Variants in FHOD3 observed in about 807,000 individuals in gnomAD.
FHOD3 encodes FH1/FH2 domain-containing protein 3.
FHOD3 carries 90 observed loss-of-function variants against 173.0 expected under a neutral mutation model. That is an observed-to-expected ratio of 0.52 (90% confidence interval 0.44 to 0.62). FHOD3 has a LOEUF of 0.62. FHOD3 is among the 20% of genes least tolerant of loss of function. The pLI, the probability that FHOD3 is intolerant of heterozygous loss-of-function variation, is 0.00. For synonymous variants in FHOD3, 828 were observed against 823.0 expected, an observed-to-expected ratio of 1.01 and a Z score of -0.10; for missense variants, 1,945 against 2,034.7, an observed-to-expected ratio of 0.96 and a Z score of 0.85.
chr18:36,652,398 A>C (rs2036119141), intron 11 of FHOD3, among the ~76,000 whole-genome samples, 172 bp from the exon 12 acceptor site: 1 of 152,244 alleles, frequency 6.6e-6, no homozygotes, highest in Non-Finnish European at 1.5e-5. Flanking sequence ...GGGCAAACCA[A>C]AGCTGCTGGT....
intron 3 of FHOD3, among the ~76,000 whole-genome samples, chr18:36,485,237 C>T (rs1198912017): frequency 6.6e-6 from 1 of 152,192 alleles, no homozygotes; most frequent in Non-Finnish European, 1.5e-5. Context: ...GTTCCACCAG[C>T]GATGAGCCTG....
chr18:36,685,281 C>G (rs1345630494), intron 15 of FHOD3, among the ~76,000 whole-genome samples: 1 of 152,156 alleles, frequency 6.6e-6, no homozygotes, highest in Non-Finnish European at 1.5e-5. Context: ...CAAAATGGCC[C>G]TCCTCCACTC....
chr18:36,758,504 A>G (rs1001959996), intron 25 of FHOD3, among the ~76,000 whole-genome samples: 1 of 152,336 alleles, frequency 6.6e-6, no homozygotes, highest in East Asian at 1.9e-4. Flanking sequence ...AATTAATTTC[A>G]TGCTCCTGAG....
At position 36,590,996 on chromosome 18, in the gene FHOD3, C is replaced by T. The variant is rs149201093; in HGVS notation, c.607-3791C>T. ...GGTTGGGCAGCAGCCAGGTTCTTTC[C>T]TGGGGAGGCATTTAGAGGCTTAAAC... On this transcript the variant is annotated intron_variant, in intron 6 of 28. Coordinates refer to ENST00000590592, the MANE Select transcript of FHOD3 (RefSeq NM_001281740.3). Among the ~76,000 whole-genome samples, 345 of 152,260 alleles carry T rather than the reference C, an allele frequency of 2.3e-3. 1 individual carries two copies. Among genetic ancestry groups the T allele is most frequent in the African/African-American group, 7.8e-3 (325 of 41,566 alleles).
intron 27 of FHOD3, among the ~76,000 whole-genome samples, chr18:36,766,053 A>G (rs921566027): frequency 6.6e-6 from 1 of 152,140 alleles, no homozygotes; most frequent in South Asian, 2.1e-4. Context: ...AAATAAATAA[A>G]TAAAGATAAA....
intron 2 of FHOD3, among the ~76,000 whole-genome samples, chr18:36,369,630 T>C (rs1008145023): frequency 6.6e-6 from 1 of 152,114 alleles, no homozygotes; most frequent in Non-Finnish European, 1.5e-5. Flanking sequence ...TATATACATG[T>C]AAAACTATTA....
chr18:36,687,109 T>A lies in FHOD3; in HGVS notation c.1971-19T>A, dbSNP rs2038670020. 1 of 1,589,284 alleles carries A rather than the reference T, an allele frequency of 6.3e-7. No homozygotes were observed. Among genetic ancestry groups the A allele is most frequent in the African/African-American group, 1.3e-5 (1 of 74,432 alleles). On this transcript the variant is annotated intron_variant, in intron 15 of 28. Transcript: ENST00000590592. The stretch of plus-strand genomic sequence containing the variant: ...GTTACTTTCTTTTCCTGTTTGTTTG[T>A]TCTACATATTTCCATTAGCCGAGAT...
intron 3 of FHOD3, among the ~76,000 whole-genome samples, chr18:36,431,003 T>C (rs1476635910): frequency 3.9e-5 from 6 of 152,214 alleles, no homozygotes; most frequent in African/African-American, 1.4e-4. Context: ...TAGGGATAGC[T>C]AACATGTTGT....
intron 3 of FHOD3, among the ~76,000 whole-genome samples, chr18:36,456,066 T>C (rs1013582886): frequency 6.6e-6 from 1 of 152,134 alleles, no homozygotes; most frequent in African/African-American, 2.4e-5. Flanking sequence ...GCTTGTACTT[T>C]TCCGATGTTT....
chr18:36,546,034 T>G (rs1457584839), intron 5 of FHOD3, among the ~76,000 whole-genome samples: 2 of 152,210 alleles, frequency 1.3e-5, no homozygotes, highest in Admixed American at 1.3e-4. Flanking sequence ...ATGAAATCCT[T>G]CTCGAATCTG....
chr18:36,416,397 AG>A (rs1409574565), intron 3 of FHOD3, among the ~76,000 whole-genome samples: 1 of 152,182 alleles, frequency 6.6e-6, no homozygotes, highest in East Asian at 1.9e-4. Flanking sequence ...AACGTTATTT[AG>A]GAAGTGTGAT....
chr18:36,452,834 G>A (rs985735015), intron 3 of FHOD3, among the ~76,000 whole-genome samples: 1 of 151,928 alleles, frequency 6.6e-6, no homozygotes, highest in Non-Finnish European at 1.5e-5. Flanking sequence ...ATATGTGTGT[G>A]TATGTATATA....
chr18:36,635,242 C>T (rs8085903), intron 10 of FHOD3, among the ~76,000 whole-genome samples: 24,413 of 152,166 alleles, frequency 0.16, 2,203 homozygotes, highest in African/African-American at 0.23. Flanking sequence ...GCGGGATTGG[C>T]TTCTCAAATA....
At chr18:36,761,720 G>T (rs2042889562) in intron 27 of FHOD3, among the ~76,000 whole-genome samples, 1 of 151,900 alleles carries the variant, frequency 6.6e-6, no homozygotes, top group South Asian at 2.1e-4. Context: ...AGAGACCCCA[G>T]TTAGATCTAC....
At chr18:36,547,004 G>A (rs1364751235) in intron 5 of FHOD3, among the ~76,000 whole-genome samples, 1 of 152,180 alleles carries the variant, frequency 6.6e-6, no homozygotes, top group African/African-American at 2.4e-5. Flanking sequence ...AATTCACACT[G>A]CCTCACAGCG....
At chr18:36,761,638 C>G (rs373932495) in intron 27 of FHOD3, among the ~76,000 whole-genome samples, 6 of 152,152 alleles carry the variant, frequency 3.9e-5, no homozygotes, top group African/African-American at 1.4e-4. Flanking sequence ...CTCTGCCTGT[C>G]CCGTTCCCAT....
rs2034046939 is a variant in FHOD3, at chr18:36,625,661, A to C, written c.1108A>C (p.Ile370Leu). ...RRSRRHSVQS[I>L]KSTLSAPTSP... ...GAGCCGCAGGCACTCGGTGCAGAGC[A>C]TCAAGAGCACCCTGTCGGCCCCCAC... The change falls in exon 10 of 29, where the codon ATC becomes CTC. Residue 370 changes from isoleucine (I) to leucine (L), a missense_variant. By Grantham distance (5) the Ile-to-Leu change is conservative. Around this residue, in one of 5 missense-constraint regions of FHOD3, gnomAD observed 1,099 missense variants for 1,051.2 expected, o/e 1.05. Coordinates refer to ENST00000590592, the MANE Select transcript of FHOD3 (RefSeq NM_001281740.3). The C allele has an allele frequency of 1.2e-6, 2 of 1,612,664 alleles. No homozygotes were observed. Among genetic ancestry groups the C allele is most frequent in the Non-Finnish European group, 1.7e-6 (2 of 1,179,206 alleles).
intron 26 of FHOD3, among the ~76,000 whole-genome samples, chr18:36,759,811 G>C (rs983374672): frequency 1.3e-5 from 2 of 152,254 alleles, no homozygotes; most frequent in Admixed American, 1.3e-4. Flanking sequence ...GACAAAGGAA[G>C]CCAGCAGTCT....
chr18:36,551,415 TC>T (rs1221420408), intron 5 of FHOD3, among the ~76,000 whole-genome samples: 1 of 152,162 alleles, frequency 6.6e-6, no homozygotes, highest in Non-Finnish European at 1.5e-5. Flanking sequence ...TCTTCAATTT[TC>T]TGGAAGAGTT....
Sources: allele counts gnomAD v4.1 joint callset (sites outside exome capture counted in the v4.1 genomes callset), GRCh38; gene constraint gnomAD v4.1.1; regional missense constraint gnomAD v4.1.1; transcripts MANE v1.5; gene names NCBI Gene and HGNC (gene_info 2026-07-23, HGNC 2026-07-21).